CTXND1: variants seen among roughly 807,000 people sequenced by gnomAD.
CTXND1 encodes cortexin domain-containing 1 protein.
At chr15:80,220,591 G>T (rs1477836800) in intron 1 of CTXND1, among the ~76,000 whole-genome samples, 1 of 152,116 alleles carries the variant, frequency 6.6e-6, no homozygotes, top group Non-Finnish European at 1.5e-5. Context: ...CTGTTAGGGT[G>T]TTGATTGCGA....
chr15:80,220,777 T>C (rs1168239946), intron 1 of CTXND1, among the ~76,000 whole-genome samples: 1 of 152,008 alleles, frequency 6.6e-6, no homozygotes, highest in Non-Finnish European at 1.5e-5. Flanking sequence ...TTGTGGTTTA[T>C]AGTATTGATT....
rs533661942 is a variant in CTXND1, at chr15:80,231,172, A to G, written c.-218+20835T>C. 2.0e-5 allele frequency among the ~76,000 whole-genome samples: 3 copies of G among 151,918 alleles called. No homozygotes were observed. The South Asian group carries it at 6.2e-4, about 32-fold the overall frequency. On this transcript the variant is annotated intron_variant, in intron 1 of 2. Coordinates refer to ENST00000560778, the MANE Select transcript of CTXND1 (RefSeq NM_001352888.2). ...TAGCTTAATTCTGCTCTGGAGCCTGACCGCTGCTTCTCTGTGCCTACTTCT... is the reference window on the plus strand; with the variant it reads ...TAGCTTAATTCTGCTCTGGAGCCTGGCCGCTGCTTCTCTGTGCCTACTTCT...
chr15:80,249,107 T>C (rs1452509087), intron 1 of CTXND1, among the ~76,000 whole-genome samples: 1 of 152,110 alleles, frequency 6.6e-6, no homozygotes, highest in East Asian at 1.9e-4. Context: ...CATACCACCA[T>C]GCCTGGCTAA....
In CTXND1 at chr15:80,238,008, C is replaced by CAAAAAA. The variant is rs57718635; in HGVS notation, c.-218+13993_-218+13998dup. On this transcript the variant is annotated intron_variant, in intron 1 of 2. Coordinates refer to ENST00000560778, the MANE Select transcript of CTXND1 (RefSeq NM_001352888.2). ...TGGGAGACAGAGTGAGACTCCATCT[C>CAAAAAA]AAAAAAAAAAAAAAAAAAAAAATTA... Among the ~76,000 whole-genome samples, 555 of 76,736 alleles carry CAAAAAA rather than the reference C, an allele frequency of 7.2e-3. 8 individuals are homozygous for CAAAAAA. The highest frequency in any genetic ancestry group is 0.027 in the East Asian group (83 of 3,106). The allele number at this position is 76,736 out of a possible 152,430, so 50.3% of individuals were successfully genotyped here. A position where few individuals can be genotyped will look rare whatever the true frequency, so the allele number is the denominator to read the frequency against.
intron 1 of CTXND1, among the ~76,000 whole-genome samples, chr15:80,225,536 A>G (rs1893362800): frequency 1.3e-5 from 2 of 151,868 alleles, no homozygotes; most frequent in Non-Finnish European, 2.9e-5. Flanking sequence ...TCTTTCTCTC[A>G]TAGGTTGTTA....
At chr15:80,234,152 A>G (rs188829708) in intron 1 of CTXND1, among the ~76,000 whole-genome samples, 1 of 152,300 alleles carries the variant, frequency 6.6e-6, no homozygotes, top group African/African-American at 2.4e-5. Context: ...GGAAATAAGA[A>G]AACAAAGAAA....
chr15:80,226,952 A>C (rs1893378709), intron 1 of CTXND1, among the ~76,000 whole-genome samples: 2 of 152,184 alleles, frequency 1.3e-5, no homozygotes, highest in South Asian at 2.1e-4. Context: ...AAATCCTGCC[A>C]CATGAGCAGG....
chr15:80,228,350 G>A (rs2142133576), intron 1 of CTXND1, among the ~76,000 whole-genome samples: 1 of 152,276 alleles, frequency 6.6e-6, no homozygotes, highest in East Asian at 1.9e-4. Flanking sequence ...TAAATTCTTT[G>A]CAGAGGTTTT....
At chr15:80,213,044 T>A (rs982803799) in intron 1 of CTXND1, among the ~76,000 whole-genome samples, 7 of 138,206 alleles carry the variant, frequency 5.1e-5, no homozygotes, top group East Asian at 2.1e-4. Flanking sequence ...TTCTTCCTTC[T>A]GTTTTTTTCT....
intron 1 of CTXND1, among the ~76,000 whole-genome samples, chr15:80,222,715 T>C (rs1893331104): frequency 6.6e-6 from 1 of 152,188 alleles, no homozygotes; most frequent in Admixed American, 6.5e-5. Context: ...GCCTTATCAT[T>C]ATTTTACTTT....
intron 1 of CTXND1, among the ~76,000 whole-genome samples, chr15:80,219,658 G>T (rs1595905973): frequency 6.6e-6 from 1 of 152,148 alleles, no homozygotes; most frequent in African/African-American, 2.4e-5. Flanking sequence ...GTACCTGGGA[G>T]CTCCTGCCAC....
rs1010760946 is a variant in CTXND1 at position 80,196,604 on chromosome 15, C to T, written c.*5166G>A. ...GAGTGGGACTAAATTGCTATCACCCCCAGACAATATGGCTGCTGGTGAGAT... is the reference window on the plus strand; with the variant it reads ...GAGTGGGACTAAATTGCTATCACCCTCAGACAATATGGCTGCTGGTGAGAT... On this transcript the variant is annotated 3_prime_UTR_variant, in exon 3 of 3. Transcript: ENST00000560778. 6.6e-6 allele frequency: 1 copy of T among 152,178 alleles called. No individual in the cohort carries two copies. Among genetic ancestry groups the T allele is most frequent in the Non-Finnish European group, 1.5e-5 (1 of 68,050 alleles). 9.4% of individuals were successfully genotyped at this position (152,178 alleles called of 1,614,324 possible). A position where few individuals can be genotyped will look rare whatever the true frequency, so the allele number is the denominator to read the frequency against.
At chr15:80,208,680 C>T (rs1007384945) in intron 1 of CTXND1, among the ~76,000 whole-genome samples, 2 of 152,214 alleles carry the variant, frequency 1.3e-5, no homozygotes, top group African/African-American at 2.4e-5. Context: ...GTGGTATGCA[C>T]TCTCCACTTT....
intron 1 of CTXND1, among the ~76,000 whole-genome samples, chr15:80,205,380 C>T (rs1264778604): frequency 6.6e-6 from 1 of 152,110 alleles, no homozygotes; most frequent in East Asian, 1.9e-4. Context: ...ACTGCTGTGT[C>T]TAAGGATAAA....
intron 1 of CTXND1, among the ~76,000 whole-genome samples, chr15:80,239,996 G>T (rs1459523568): frequency 1.3e-5 from 2 of 151,980 alleles, no homozygotes; most frequent in Non-Finnish European, 2.9e-5. Flanking sequence ...ACGGAGTTTT[G>T]CTCTTGTTGC....
At chr15:80,223,164 C>T (rs749898411) in intron 1 of CTXND1, among the ~76,000 whole-genome samples, 9 of 152,162 alleles carry the variant, frequency 5.9e-5, no homozygotes, top group Non-Finnish European at 1.2e-4. Context: ...CCTCAACCTC[C>T]GCCTCCTAGG....
intron 1 of CTXND1, among the ~76,000 whole-genome samples, chr15:80,206,425 G>A (rs906372414): frequency 6.6e-6 from 1 of 152,092 alleles, no homozygotes; most frequent in Non-Finnish European, 1.5e-5. Context: ...TGAACTCTCT[G>A]TTAATATCCT....
At chr15:80,244,145 T>C (rs994198515) in intron 1 of CTXND1, among the ~76,000 whole-genome samples, 2 of 152,202 alleles carry the variant, frequency 1.3e-5, no homozygotes, top group African/African-American at 4.8e-5. Context: ...TTATTACCTT[T>C]CTCTCTTTAG....
chr15:80,219,197 G>A (rs927394705), intron 1 of CTXND1, among the ~76,000 whole-genome samples: 6 of 151,026 alleles, frequency 4.0e-5, no homozygotes, highest in South Asian at 4.2e-4. Flanking sequence ...CTCCTACCTC[G>A]GCCTCCCAAA....
Sources: allele counts gnomAD v4.1 joint callset (sites outside exome capture counted in the v4.1 genomes callset), GRCh38; gene constraint gnomAD v4.1.1; transcripts MANE v1.5; gene names NCBI Gene and HGNC (gene_info 2026-07-23, HGNC 2026-07-21).